KIF7: variants seen among roughly 807,000 people sequenced by gnomAD.
The protein encoded by KIF7 is kinesin-like protein KIF7.
In KIF7, 104 loss-of-function variants were observed where a neutral mutation model predicts 135.7. The ratio of observed to expected loss-of-function variants is 0.77; its 90% CI spans 0.65 to 0.90. KIF7 has a LOEUF of 0.90. Ranked by LOEUF, KIF7 falls within the 40% of genes least tolerant of loss-of-function variation. The pLI is 0.00. For synonymous variants in KIF7, 883 were observed against 809.4 expected (o/e 1.09, Z -1.54); for missense variants, 2,005 against 1,839.1 (o/e 1.09, Z -1.65).
In KIF7 at chr15:89,649,309, C is replaced by A. The variant is rs191721354; in HGVS notation, c.588G>T (p.Leu196=). The A allele has an allele frequency of 9.3e-5, 139 of 1,487,636 alleles. No homozygotes were observed. The highest frequency in any genetic ancestry group is 1.2e-4 in the Non-Finnish European group (134 of 1,113,240). The allele number at this position is 1,487,636 out of a possible 1,614,324, so 92.2% of individuals were successfully genotyped here. ...VEGLDEVLSL[L]EMGNAARHTG... ...TGTGCCGCGCCGCGTTGCCCATCTC[C>A]AGGAGGCTCAGCACCTCATCCAGGC... Residue 196 remains leucine, a synonymous_variant, in exon 4 of 19, where the codon CTG becomes CTT. Coordinates refer to ENST00000394412, the MANE Select transcript of KIF7 (RefSeq NM_198525.3).
rs1472879341 is a variant in KIF7, at chr15:89,629,664, C to T, written c.3319-91G>A. Reference sequence around the variant, plus strand: ...CACAGACACAGTATTGGCACACTTGCCACCACGGCACTAAGAAATCACCAG... The same window carrying T: ...CACAGACACAGTATTGGCACACTTGTCACCACGGCACTAAGAAATCACCAG... On this transcript the variant is annotated intron_variant, in intron 16 of 18. Transcript: ENST00000394412. 1.9e-6 allele frequency: 3 copies of T among 1,540,774 alleles called. No individual in the cohort carries two copies. In the Admixed American group the frequency reaches 5.2e-5, roughly 27 times the overall value.
chr15:89,659,451 G>GAGAGAAAGAAAGAA (rs201464557), upstream of KIF7, among the ~76,000 whole-genome samples: 1,067 of 146,250 alleles, frequency 7.3e-3, 12 homozygotes, highest in African/African-American at 0.026. Context: ...AAGAAAGAGA[G>GAGAGAAAGAAAGAA]AGAGAAAGAA....
downstream of KIF7, chr15:89,624,539 C>A (rs767053296): frequency 6.2e-7 from 1 of 1,613,844 alleles, no homozygotes; most frequent in South Asian, 1.1e-5. Flanking sequence ...GGGGTTGGCA[C>A]AGCTGACAGC....
At chr15:89,626,306 C>T (rs949525020), downstream of KIF7, among the ~76,000 whole-genome samples, 11 of 152,196 alleles carry the variant, frequency 7.2e-5, no homozygotes, top group Admixed American at 3.3e-4. Flanking sequence ...TGTTGACAGT[C>T]GTGGGCTTGC....
At chr15:89,656,679 G>A (rs1489419267), upstream of KIF7, among the ~76,000 whole-genome samples, 1 of 152,180 alleles carries the variant, frequency 6.6e-6, no homozygotes, top group Non-Finnish European at 1.5e-5. Context: ...CATGATTCAG[G>A]TACCAAGCAT....
At chr15:89,637,514 G>A (rs1277714600) in intron 11 of KIF7, among the ~76,000 whole-genome samples, 1 of 151,890 alleles carries the variant, frequency 6.6e-6, no homozygotes, top group South Asian at 2.1e-4. Context: ...CAGAAATACA[G>A]ACTACCATCA....
downstream of KIF7, chr15:89,624,254 C>G (rs1963473388): frequency 6.2e-7 from 1 of 1,614,096 alleles, no homozygotes; most frequent in African/African-American, 1.3e-5. Flanking sequence ...TTTACCTCTC[C>G]TTTATGTGAT....
chr15:89,633,959 G>T, intron 11 of KIF7, 76 bp from the exon 12 acceptor site: 1 of 1,539,266 alleles, frequency 6.5e-7, no homozygotes, highest in Non-Finnish European at 8.9e-7. Flanking sequence ...CACTCAACAA[G>T]GGCAGGCAGA....
intron 16 of KIF7, 46 bp from the exon 17 acceptor site, chr15:89,629,619 T>G: frequency 6.3e-7 from 1 of 1,598,840 alleles, no homozygotes; most frequent in Non-Finnish European, 8.5e-7. Flanking sequence ...TGACCCCTCT[T>G]CATCCAGCTA....
rs531899410 is a variant in KIF7, at chr15:89,648,363, G to T, written c.1335C>A (p.Cys445Ter). 5.7e-6 allele frequency: 8 copies of T among 1,392,022 alleles called. No homozygotes were observed. Among genetic ancestry groups the T allele is most frequent in the Non-Finnish European group, 6.5e-6 (7 of 1,070,154 alleles). 86.2% of individuals were successfully genotyped at this position (1,392,022 alleles called of 1,614,324 possible). The change falls in exon 5 of 19, where the codon TGC becomes TGA. Residue 445 changes from cysteine (C) to a stop codon, truncating the protein, a stop_gained. Coordinates refer to ENST00000394412, the MANE Select transcript of KIF7 (RefSeq NM_198525.3). LOFTEE classifies it high-confidence loss of function. ...AAARKVRDWL[C>*]AVEGERSALS... ...GGGCGCTGCGCTCGCCCTCGACGGC[G>T]CACAGCCAGTCGCGCACCTTGCGGG...
Position 89,642,316 on chromosome 15 carries a change from C to G in KIF7, c.2281G>C (p.Glu761Gln). 3 of 1,611,086 alleles carry G rather than the reference C, an allele frequency of 1.9e-6. No homozygotes were observed. Among genetic ancestry groups the G allele is most frequent in the Non-Finnish European group, 2.5e-6 (3 of 1,179,470 alleles). The stretch of plus-strand genomic sequence containing the variant: ...AGCTCCCGCAGCTGCCTCTGGCCTT[C>G]ACTCAGCTCGGCCCGCACCTGCTCT... The part of the protein sequence containing the change: ...EAEQVRAELS[E>Q]GQRQLRELEG... Residue 761 changes from glutamate to glutamine, a missense_variant, in exon 11 of 19, where the codon GAA becomes CAA. Physicochemically the swap from Glu to Gln is conservative, Grantham distance 29. Coordinates refer to ENST00000394412, the MANE Select transcript of KIF7 (RefSeq NM_198525.3).
chr15:89,650,029 G>T, intron 2 of KIF7, 88 bp from the exon 3 acceptor site: 1 of 1,330,242 alleles, frequency 7.5e-7, no homozygotes. Flanking sequence ...CCCTGCCAGA[G>T]CTGGAGGATG....
At chr15:89,647,510 TC>T in intron 6 of KIF7, 85 bp downstream of exon 6, 1 of 1,198,776 alleles carries the variant, frequency 8.3e-7, no homozygotes, top group Non-Finnish European at 1.2e-6. Context: ...CTACCCTAAC[TC>T]CCTCCCATCC....
intron 11 of KIF7, among the ~76,000 whole-genome samples, chr15:89,636,100 A>G (rs1963801998): frequency 6.6e-6 from 1 of 152,178 alleles, no homozygotes; most frequent in Non-Finnish European, 1.5e-5. Context: ...TGAAGGAGAA[A>G]TAAAATACTT....
At chr15:89,619,004 A>G (rs1234236458) in intron 1 of KIF7, among the ~76,000 whole-genome samples, 3 of 152,156 alleles carry the variant, frequency 2.0e-5, no homozygotes, top group African/African-American at 7.2e-5. Flanking sequence ...AGGGGTTTTA[A>G]AAAACTAACT....
downstream of KIF7, chr15:89,624,071 C>T: frequency 6.2e-7 from 1 of 1,613,970 alleles, no homozygotes; most frequent in South Asian, 1.1e-5. Flanking sequence ...CCTCCGAGAG[C>T]AGCAGCCTTC....
chr15:89,626,062 G>C, downstream of KIF7: 1 of 1,613,694 alleles, frequency 6.2e-7, no homozygotes, highest in East Asian at 2.2e-5. Context: ...GACCCCAGAG[G>C]TAATGTTTGT....
downstream of KIF7, chr15:89,625,665 T>C: frequency 6.2e-7 from 1 of 1,613,742 alleles, no homozygotes; most frequent in Non-Finnish European, 8.5e-7. Context: ...AAGCTGACCG[T>C]GGAGCCAAAA....
chr15:89,657,328 A>AAAGAG (rs533315174), upstream of KIF7, among the ~76,000 whole-genome samples: 7 of 127,920 alleles, frequency 5.5e-5, no homozygotes, highest in Admixed American at 3.4e-4. Flanking sequence ...AAAAAAAAAA[A>AAAGAG]AGAGAGAGAG....
Sources: allele counts gnomAD v4.1 joint callset (sites outside exome capture counted in the v4.1 genomes callset), GRCh38; gene constraint gnomAD v4.1.1; transcripts MANE v1.5; gene names NCBI Gene and HGNC (gene_info 2026-07-23, HGNC 2026-07-21).